The following CFAP251 variants were observed in gnomAD, a reference collection of about 807,000 sequenced individuals.
CFAP251 encodes the protein cilia and flagella associated protein 251.
A neutral mutation model predicts 126.7 loss-of-function variants in CFAP251; 93 were observed. The observed-to-expected ratio is 0.73, with a 90% CI of 0.62 to 0.87. CFAP251 has a LOEUF of 0.87. Among genes scored for constraint, CFAP251 ranks in the 40% least tolerant of loss-of-function variants. The pLI, the probability that CFAP251 is intolerant of heterozygous loss-of-function variation, is 0.00. For synonymous variants in CFAP251, 503 were observed against 506.9 expected, an observed-to-expected ratio of 0.99 and a Z score of 0.10; for missense variants, 1,287 against 1,389.2, an observed-to-expected ratio of 0.93 and a Z score of 1.17.
At chr12:121,985,473 G>A (rs188704546) in intron 19 of CFAP251, among the ~76,000 whole-genome samples, 2 of 147,536 alleles carry the variant, frequency 1.4e-5, no homozygotes, top group East Asian at 2.0e-4. Context: ...GGCAGAGGTT[G>A]CAGTGAGCTG....
At chr12:121,953,864 A>C in intron 9 of CFAP251, 1 of 441,276 alleles carries the variant, frequency 2.3e-6, no homozygotes, top group South Asian at 2.9e-5. Flanking sequence ...ACAGTGATTA[A>C]CCACTCTCTC....
At chr12:121,931,978 A>G (rs1880711948) in intron 4 of CFAP251, 92 bp downstream of exon 4, 5 of 1,253,536 alleles carry the variant, frequency 4.0e-6, no homozygotes, top group Admixed American at 6.0e-5. Context: ...ACTTCATTCT[A>G]TCACTGTCGT....
At chr12:121,951,770 G>A (rs1035613484) in intron 9 of CFAP251, among the ~76,000 whole-genome samples, 3 of 151,934 alleles carry the variant, frequency 2.0e-5, no homozygotes, top group Admixed American at 6.6e-5. Flanking sequence ...CCAGGCTGGC[G>A]TGCAGTGGCG....
intron 1 of CFAP251, 72 bp from the exon 2 acceptor site, chr12:121,921,214 T>G: frequency 1.4e-6 from 2 of 1,424,610 alleles, no homozygotes; most frequent in Non-Finnish European, 1.9e-6. Context: ...ATTTCATCAG[T>G]AGGTTAGTGC....
At chr12:121,950,987 G>C (rs12818136) in intron 8 of CFAP251, 1 of 152,358 alleles carries the variant, frequency 6.6e-6, no homozygotes, top group Non-Finnish European at 1.5e-5. Flanking sequence ...GGGAGGCTGA[G>C]GTGGGCGGAT....
At chr12:121,928,458 G>A (rs1880503750) in intron 3 of CFAP251, among the ~76,000 whole-genome samples, 1 of 151,442 alleles carries the variant, frequency 6.6e-6, no homozygotes, top group Non-Finnish European at 1.5e-5. Context: ...TCTGTCTTGG[G>A]GAGAAACAAT....
intron 5 of CFAP251, among the ~76,000 whole-genome samples, chr12:121,937,766 C>T (rs938688311): frequency 2.0e-5 from 3 of 152,298 alleles, no homozygotes; most frequent in African/African-American, 7.2e-5. Flanking sequence ...TCCAGGGGAT[C>T]TCATTACCCA....
intron 19 of CFAP251, among the ~76,000 whole-genome samples, chr12:121,986,272 A>C (rs1343405605): frequency 7.0e-6 from 1 of 143,436 alleles, no homozygotes; most frequent in East Asian, 2.1e-4. Flanking sequence ...GATTATAGGC[A>C]TGAGCCACCA....
At chr12:121,988,306 C>T (rs558450953) in intron 19 of CFAP251, among the ~76,000 whole-genome samples, 19 of 152,200 alleles carry the variant, frequency 1.2e-4, no homozygotes, top group Non-Finnish European at 1.8e-4. Context: ...GAATGTCCAC[C>T]GAGTAGTGCA....
intron 3 of CFAP251, among the ~76,000 whole-genome samples, chr12:121,930,486 C>T (rs1275871741): frequency 6.6e-6 from 1 of 151,234 alleles, no homozygotes; most frequent in African/African-American, 2.4e-5. Flanking sequence ...ACTCTGTTCC[C>T]TCCTCCAAAA....
chr12:121,929,504 G>C (rs1257490976), intron 3 of CFAP251, among the ~76,000 whole-genome samples: 3 of 151,806 alleles, frequency 2.0e-5, no homozygotes, highest in African/African-American at 7.3e-5. Context: ...ATTAACCTAA[G>C]TCCATAGTGT....
chr12:121,921,114 G>T (rs1398961218), intron 1 of CFAP251, among the ~76,000 whole-genome samples, 172 bp from the exon 2 acceptor site: 1 of 152,164 alleles, frequency 6.6e-6, no homozygotes, highest in African/African-American at 2.4e-5. Flanking sequence ...CTCCCATAGT[G>T]CTGGGATTAC....
At chr12:121,990,348 G>C (rs1882848513) in intron 19 of CFAP251, among the ~76,000 whole-genome samples, 1 of 152,206 alleles carries the variant, frequency 6.6e-6, no homozygotes, top group Admixed American at 6.5e-5. Context: ...AACACCAGGG[G>C]CACAGGTTGG....
At chr12:121,957,574 G>A (rs964457461) in intron 11 of CFAP251, among the ~76,000 whole-genome samples, 36 of 152,038 alleles carry the variant, frequency 2.4e-4, no homozygotes, top group Middle Eastern at 3.4e-3. Context: ...CGTGGTGACG[G>A]GTGCCTGTAG....
chr12:121,970,056 A>G (rs1452252847), intron 17 of CFAP251: 1 of 676,154 alleles, frequency 1.5e-6, no homozygotes, highest in Non-Finnish European at 1.8e-6. Flanking sequence ...AGAATTTCCT[A>G]CTAGAGTTAC....
chr12:121,963,255 G>T (rs1265212065), intron 15 of CFAP251, among the ~76,000 whole-genome samples: 1 of 152,072 alleles, frequency 6.6e-6, no homozygotes, highest in Non-Finnish European at 1.5e-5. Context: ...CTAATGGAGG[G>T]AACAGGAGGT....
rs1882204289 is a variant in CFAP251 at position 121,967,952 on chromosome 12, T to TGGG, written c.2608-54_2608-53insGGG. 26 of 1,524,104 alleles carry TGGG rather than the reference T, an allele frequency of 1.7e-5. No individual in the cohort carries two copies. In the Middle Eastern group the frequency reaches 4.2e-3, roughly 245 times the overall value. The allele number at this position is 1,524,104 out of a possible 1,614,324, so 94.4% of individuals were successfully genotyped here. On this transcript the variant is annotated intron_variant, in intron 16 of 21. Transcript: ENST00000288912. ...AGGTGACATGTGAACGTGCCAGGCC[T>TGGG]CTCTCGGGCCCAGCTACCTGAGTCT...
intron 5 of CFAP251, among the ~76,000 whole-genome samples, chr12:121,937,235 C>T (rs867511279): frequency 5.9e-5 from 9 of 152,114 alleles, no homozygotes; most frequent in Non-Finnish European, 1.0e-4. Context: ...CTGCTGGCTG[C>T]GGGTGACCCT....
intron 15 of CFAP251, among the ~76,000 whole-genome samples, chr12:121,962,684 G>T (rs1279237641): frequency 1.2e-4 from 16 of 138,044 alleles, no homozygotes; most frequent in African/African-American, 4.1e-4. Context: ...GTGGTAATCA[G>T]GTCTGTGCAA....
Sources: gnomAD v4.1 joint callset for allele counts (sites outside exome capture counted in the v4.1 genomes callset) on GRCh38, gnomAD v4.1.1 for gene constraint, MANE v1.5 for transcripts, NCBI Gene and HGNC (gene_info 2026-07-23, HGNC 2026-07-21) for gene names.